The following CADM2 variants were observed in gnomAD, a reference collection of about 807,000 sequenced individuals.
The protein encoded by CADM2 is cell adhesion molecule 2.
Under a neutral mutation model 49.8 loss-of-function variants are expected in CADM2, and 12 were observed. That is an observed-to-expected ratio of 0.24 (90% CI 0.15 to 0.39). The LOEUF is 0.39. Among genes scored for constraint, CADM2 ranks in the 10% least tolerant of loss-of-function variants. The pLI is 1.00. For missense variants in CADM2, 378 were observed against 492.3 expected (o/e 0.77, Z 2.20); for synonymous variants, 214 against 175.4 (o/e 1.22, Z -1.74).
At chr3:85,278,748 GTGTGT>G (rs1208612035) in intron 1 of CADM2, among the ~76,000 whole-genome samples, 14 of 150,424 alleles carry the variant, frequency 9.3e-5, no homozygotes, top group African/African-American at 1.2e-4. Flanking sequence ...GTGTGTGTGT[GTGTGT>G]GTGTGTGTTG....
At chr3:85,626,694 T>C (rs1361579261) in intron 1 of CADM2, among the ~76,000 whole-genome samples, 1 of 152,074 alleles carries the variant, frequency 6.6e-6, no homozygotes, top group Non-Finnish European at 1.5e-5. Flanking sequence ...TTGCAGCAAA[T>C]GTAATTATTA....
rs2107473987 is a variant in CADM2, at chr3:86,073,995, A to C, written c.*7212A>C. Reference sequence around the variant, plus strand: ...AAAGTGATGACTAAGGGTCAAAAAAAATGTTGCTGACTTAGGGAAATTTGC... The same window carrying C: ...AAAGTGATGACTAAGGGTCAAAAAACATGTTGCTGACTTAGGGAAATTTGC... On this transcript the variant is annotated 3_prime_UTR_variant, in exon 10 of 10. Coordinates refer to ENST00000383699, the MANE Select transcript of CADM2 (RefSeq NM_001167675.2). 1 of 152,138 alleles carries C rather than the reference A, an allele frequency of 6.6e-6. No individual in the cohort carries two copies. The highest frequency in any genetic ancestry group is 2.1e-4 in the South Asian group (1 of 4,830). The allele number at this position is 152,138 out of a possible 1,614,324, so 9.4% of individuals were successfully genotyped here.
At chr3:85,224,336 T>G (rs548011780) in intron 1 of CADM2, among the ~76,000 whole-genome samples, 7 of 152,210 alleles carry the variant, frequency 4.6e-5, no homozygotes, top group Non-Finnish European at 1.0e-4. Flanking sequence ...TGATGTGCAT[T>G]TCTCTAATGA....
intron 1 of CADM2, among the ~76,000 whole-genome samples, chr3:85,498,186 T>G (rs77991195): frequency 7.2e-6 from 1 of 138,684 alleles, no homozygotes; most frequent in African/African-American, 2.5e-5. Context: ...TTTTTTTTTT[T>G]TTGTATTTTC....
At chr3:85,424,160 A>C (rs1445147180) in intron 1 of CADM2, among the ~76,000 whole-genome samples, 2 of 152,110 alleles carry the variant, frequency 1.3e-5, no homozygotes, top group African/African-American at 4.8e-5. Flanking sequence ...TCTATAGAGA[A>C]ATTTTTAAAT....
intron 1 of CADM2, among the ~76,000 whole-genome samples, chr3:85,493,813 G>C (rs1292071968): frequency 6.6e-6 from 1 of 152,184 alleles, no homozygotes; most frequent in Non-Finnish European, 1.5e-5. Context: ...CTTCCGGCAA[G>C]ATTGAAAGAA....
At chr3:85,423,966 C>A (rs1373456274) in intron 1 of CADM2, among the ~76,000 whole-genome samples, 2 of 152,134 alleles carry the variant, frequency 1.3e-5, no homozygotes, top group Non-Finnish European at 2.9e-5. Flanking sequence ...CTCTTTCAAC[C>A]TCGTTCTTTC....
intron 1 of CADM2, among the ~76,000 whole-genome samples, chr3:85,376,534 AT>A (rs2033602535): frequency 6.6e-6 from 1 of 152,132 alleles, no homozygotes. Flanking sequence ...GCAACTAAAA[AT>A]TTAGTAGTAA....
intron 1 of CADM2, among the ~76,000 whole-genome samples, chr3:85,457,256 CA>C (rs1017559649): frequency 2.0e-5 from 3 of 151,796 alleles, no homozygotes; most frequent in Non-Finnish European, 4.4e-5. Context: ...CTACAAAATA[CA>C]TAAAATTTAG....
intron 1 of CADM2, among the ~76,000 whole-genome samples, chr3:85,441,595 T>A (rs1213943414): frequency 6.6e-6 from 1 of 152,098 alleles, no homozygotes; most frequent in African/African-American, 2.4e-5. Context: ...CATTCTGGAT[T>A]TATAATCTTG....
chr3:85,154,314 C>T (rs559483770), intron 1 of CADM2, among the ~76,000 whole-genome samples: 66 of 152,022 alleles, frequency 4.3e-4, no homozygotes, highest in African/African-American at 1.3e-3. Context: ...GGAGCTCATG[C>T]GATCAACTGG....
chr3:85,226,136 T>C (rs2042155101), intron 1 of CADM2, among the ~76,000 whole-genome samples: 1 of 152,146 alleles, frequency 6.6e-6, no homozygotes, highest in Non-Finnish European at 1.5e-5. Flanking sequence ...CCTCTTAAAA[T>C]CAGTTAGGGA....
intron 1 of CADM2, among the ~76,000 whole-genome samples, chr3:85,034,963 G>A (rs1207756210): frequency 4.0e-5 from 6 of 151,014 alleles, no homozygotes; most frequent in Admixed American, 2.0e-4. Context: ...CCACCACACC[G>A]GGCTAATTTT....
At chr3:85,211,516 A>G (rs2041778749) in intron 1 of CADM2, among the ~76,000 whole-genome samples, 1 of 152,018 alleles carries the variant, frequency 6.6e-6, no homozygotes, top group Admixed American at 6.5e-5. Flanking sequence ...GAAATCTTAA[A>G]TTTTCTTCTT....
intron 5 of CADM2, among the ~76,000 whole-genome samples, chr3:85,903,483 A>AT (rs1716395687): frequency 6.6e-6 from 1 of 152,100 alleles, no homozygotes; most frequent in East Asian, 1.9e-4. Flanking sequence ...CTTATCTGAC[A>AT]TTTTTTCCTT....
chr3:85,851,738 A>G (rs986655171), intron 3 of CADM2, among the ~76,000 whole-genome samples: 1 of 151,280 alleles, frequency 6.6e-6, no homozygotes, highest in Non-Finnish European at 1.5e-5. Flanking sequence ...GTAGTGGCAG[A>G]TGGGATATTC....
chr3:85,067,471 C>T (rs1009887613), intron 1 of CADM2, among the ~76,000 whole-genome samples: 1 of 152,060 alleles, frequency 6.6e-6, no homozygotes, highest in African/African-American at 2.4e-5. Flanking sequence ...TAATTCTCTG[C>T]TTTTATGAAC....
chr3:85,812,217 T>A (rs1275002135), intron 3 of CADM2, among the ~76,000 whole-genome samples: 1 of 152,106 alleles, frequency 6.6e-6, no homozygotes, highest in Non-Finnish European at 1.5e-5. Flanking sequence ...ACTTGTTGCA[T>A]AATAAACTAT....
At chr3:85,548,577 G>A (rs908313369) in intron 1 of CADM2, among the ~76,000 whole-genome samples, 1 of 152,128 alleles carries the variant, frequency 6.6e-6, no homozygotes. Flanking sequence ...GAGAGAGACT[G>A]TCCTGGCTGT....
Sources: allele counts gnomAD v4.1 joint callset (sites outside exome capture counted in the v4.1 genomes callset), GRCh38; gene constraint gnomAD v4.1.1; transcripts MANE v1.5; gene names NCBI Gene and HGNC (gene_info 2026-07-23, HGNC 2026-07-21).